The following TMEM230 variants were observed in gnomAD, a reference collection of about 807,000 sequenced individuals.
TMEM230 encodes the protein UPF0414 transmembrane protein C20orf30.
A neutral mutation model predicts 15.8 loss-of-function variants in TMEM230; 10 were observed. That is an observed-to-expected ratio of 0.63 (90% CI 0.39 to 1.07). The LOEUF (loss-of-function observed/expected upper bound fraction) is 1.07, where lower values mean the gene tolerates loss of function less well. TMEM230 is among the 50% of genes least tolerant of loss of function. The pLI is 0.01. For missense variants in TMEM230, 165 were observed against 193.3 expected, an observed-to-expected ratio of 0.85 and a Z score of 0.87; for synonymous variants, 67 against 76.9, an observed-to-expected ratio of 0.87 and a Z score of 0.68.
At chr20:5,112,764 G>T in intron 1 of TMEM230, 197 bp downstream of exon 1, 1 of 1,469,688 alleles carries the variant, frequency 6.8e-7, no homozygotes, top group African/African-American at 1.4e-5. Flanking sequence ...CCTTGCCAGG[G>T]AGAGAAATAA....
At chr20:5,078,293 T>C (rs2089066292) in intron 3 of TMEM230, among the ~76,000 whole-genome samples, 3 of 152,214 alleles carry the variant, frequency 2.0e-5, no homozygotes, top group Admixed American at 6.5e-5. Flanking sequence ...CATTTGGCAC[T>C]GGGCCCCACA....
chr20:5,109,543 T>G (rs531144370), intron 2 of TMEM230, 98 bp from the exon 2 acceptor site: 2 of 933,724 alleles, frequency 2.1e-6, no homozygotes, highest in Non-Finnish European at 3.3e-6. Context: ...GCACTGGAGT[T>G]CTGGGCTGCC....
At chr20:5,072,547 T>C (rs2088862425) in intron 3 of TMEM230, among the ~76,000 whole-genome samples, 1 of 151,928 alleles carries the variant, frequency 6.6e-6, no homozygotes, top group African/African-American at 2.4e-5. Flanking sequence ...GAACTTGAAG[T>C]TTCCTGAAGA....
chr20:5,062,996 C>A, the TMEM230 span, among the ~76,000 whole-genome samples: 18 of 152,064 alleles, frequency 1.2e-4, no homozygotes, highest in Non-Finnish European at 2.4e-4. Context: ...TTCTGAGCAC[C>A]ATATTGCCTT....
At position 5,083,417 on chromosome 20, in the gene TMEM230, G is replaced by A. The variant is rs2089242000; in HGVS notation, c.223-14068C>T. ...AGACCCAGCTAGGGAGTTTTAATATGCCTTTTTATTAAATCAGGAATAGCT... is the reference window on the plus strand; with the variant it reads ...AGACCCAGCTAGGGAGTTTTAATATACCTTTTTATTAAATCAGGAATAGCT... On this transcript the variant is annotated intron_variant, in intron 3 of 3. Coordinates refer to the TMEM230 transcript ENST00000612323. Among the ~76,000 whole-genome samples, 4 of 150,838 alleles carry A rather than the reference G, an allele frequency of 2.7e-5. No homozygotes were observed. The Admixed American group carries it at 2.7e-4, about 10-fold the overall frequency.
At chr20:5,071,539 CT>C (rs2088825032) in intron 3 of TMEM230, among the ~76,000 whole-genome samples, 1 of 150,836 alleles carries the variant, frequency 6.6e-6, no homozygotes, top group African/African-American at 2.4e-5. Flanking sequence ...AGGAGAATCG[CT>C]TGAACCCGGA....
At chr20:5,090,710 A>G (rs1341989047) in intron 3 of TMEM230, among the ~76,000 whole-genome samples, 1 of 146,988 alleles carries the variant, frequency 6.8e-6, no homozygotes, top group Non-Finnish European at 1.5e-5. Flanking sequence ...TATCCTTAGC[A>G]ATATCAATAT....
chr20:5,076,676 CTTTTT>C (rs763498321), intron 3 of TMEM230, among the ~76,000 whole-genome samples: 2 of 127,466 alleles, frequency 1.6e-5, no homozygotes, highest in Admixed American at 7.9e-5. Context: ...GATTGATATT[CTTTTT>C]TTTTTTTTTT....
chr20:5,072,713 A>G (rs6053074), intron 3 of TMEM230, among the ~76,000 whole-genome samples: 10,040 of 151,738 alleles, frequency 0.066, 1,058 homozygotes, highest in African/African-American at 0.22. Flanking sequence ...GACTTGCGTG[A>G]TGGCCGGCAC....
At chr20:5,081,859 A>AT (rs2089183467) in intron 3 of TMEM230, among the ~76,000 whole-genome samples, 5 of 92,226 alleles carry the variant, frequency 5.4e-5, no homozygotes, top group African/African-American at 1.7e-4. Context: ...AAATTCACTG[A>AT]TTTTCTTTTT....
At chr20:5,110,872 A>G (rs1397993345) in intron 2 of TMEM230, among the ~76,000 whole-genome samples, 2 of 152,186 alleles carry the variant, frequency 1.3e-5, no homozygotes, top group Admixed American at 1.3e-4. Context: ...AAATCATAAC[A>G]TTTAAATTAA....
the TMEM230 span, among the ~76,000 whole-genome samples, chr20:5,059,390 T>A: frequency 6.6e-6 from 1 of 152,092 alleles, no homozygotes; most frequent in Non-Finnish European, 1.5e-5. Flanking sequence ...CTGTTGTATA[T>A]AGCACATGTT....
At position 5,100,532 on chromosome 20, in the gene TMEM230, C is replaced by T. The variant is rs2089811892; in HGVS notation, c.*259G>A. The T allele has an allele frequency of 1.7e-6, 2 of 1,189,462 alleles. No individual in the cohort carries two copies. The highest frequency in any genetic ancestry group is 3.4e-4 in the Middle Eastern group (1 of 2,942). 73.7% of individuals were successfully genotyped at this position (1,189,462 alleles called of 1,614,324 possible). On this transcript the variant is annotated 3_prime_UTR_variant, in exon 5 of 5. Coordinates refer to ENST00000342308, the MANE Select transcript of TMEM230 (RefSeq NM_001009923.2). ...GGTGGCAGGCAACACTTTTCCATTA[C>T]AGAATAACCTCTATTCTTCCATGAT...
intron 4 of TMEM230, 61 bp from the exon 4 acceptor site, chr20:5,100,992 C>A (rs1190730079): frequency 1.9e-6 from 3 of 1,592,366 alleles, no homozygotes; most frequent in Non-Finnish European, 1.7e-6. Flanking sequence ...TAAAATAAAA[C>A]GTCACAGACC....
intron 3 of TMEM230, among the ~76,000 whole-genome samples, chr20:5,091,938 A>G (rs2089518676): frequency 6.6e-6 from 1 of 152,190 alleles, no homozygotes; most frequent in Admixed American, 6.5e-5. Context: ...TCTGTGGTCT[A>G]CTTTTTTGGT....
At chr20:5,091,304 C>A (rs1977177) in intron 3 of TMEM230, among the ~76,000 whole-genome samples, 1 of 151,502 alleles carries the variant, frequency 6.6e-6, no homozygotes, top group Non-Finnish European at 1.5e-5. Context: ...TCTGCCTCCC[C>A]GGTTCAAGTG....
chr20:5,103,951 C>T (rs6116650), intron 4 of TMEM230, among the ~76,000 whole-genome samples: 71 of 152,034 alleles, frequency 4.7e-4, no homozygotes, highest in East Asian at 9.7e-4. Flanking sequence ...AGATCACATC[C>T]GGTTAAAAAG....
rs570474631 is a variant in TMEM230, at chr20:5,069,196, G to T, written c.376C>A (p.Pro126Thr). Residue 126 changes from proline to threonine, a missense_variant, in exon 4 of 4, where the codon CCT becomes ACT. Pro to Thr is a conservative substitution (Grantham distance 38). Coordinates refer to the TMEM230 transcript ENST00000612323. ...AATTAGAGGCACCAACCTCAGTCAG[G>T]TGATGACACCTGTGTTCCTCTTCCT... 3,184 of 1,530,006 alleles carry T rather than the reference G, an allele frequency of 2.1e-3. 7 individuals carry two copies. Among genetic ancestry groups the T allele is most frequent in the Non-Finnish European group, 2.6e-3 (2,960 of 1,145,226 alleles). 94.8% of individuals were successfully genotyped at this position (1,530,006 alleles called of 1,614,324 possible). A position where few individuals can be genotyped will look rare whatever the true frequency, so the allele number is the denominator to read the frequency against.
intron 3 of TMEM230, among the ~76,000 whole-genome samples, chr20:5,082,241 TCTCTCTCTC>T (rs2089203228): frequency 2.2e-5 from 1 of 44,520 alleles, no homozygotes; most frequent in South Asian, 3.0e-3. Context: ...TCTTTCTCTC[TCTCTCTCTC>T]TCTTTTTCGA....
Sources: allele counts gnomAD v4.1 joint callset (sites outside exome capture counted in the v4.1 genomes callset), GRCh38; gene constraint gnomAD v4.1.1; transcripts MANE v1.5; gene names NCBI Gene and HGNC (gene_info 2026-07-23, HGNC 2026-07-21).